SPATS2: variants seen among roughly 807,000 people sequenced by gnomAD.
SPATS2 encodes the protein spermatogenesis-associated serine-rich protein 2.
Under a neutral mutation model 63.7 loss-of-function variants are expected in SPATS2, and 38 were observed. The ratio of observed to expected loss-of-function variants is 0.60; its 90% CI spans 0.46 to 0.78. The LOEUF (loss-of-function observed/expected upper bound fraction) is 0.78. SPATS2 is among the 30% of genes least tolerant of loss of function. The probability of loss-of-function intolerance (pLI) is 0.00; values close to 1 mark genes in which losing one functional copy is unlikely to be tolerated. For missense variants in SPATS2, 588 were observed against 666.2 expected, an observed-to-expected ratio of 0.88 and a Z score of 1.29; for synonymous variants, 207 against 232.9, an observed-to-expected ratio of 0.89 and a Z score of 1.01.
chr12:49,488,228 A>G (rs1034196858), intron 4 of SPATS2, among the ~76,000 whole-genome samples: 4 of 151,930 alleles, frequency 2.6e-5, no homozygotes, highest in Non-Finnish European at 4.4e-5. Flanking sequence ...TATTTTCAGT[A>G]GAGACGGCGT....
intron 2 of SPATS2, among the ~76,000 whole-genome samples, chr12:49,378,534 T>A (rs1277375672): frequency 2.0e-5 from 3 of 152,052 alleles, no homozygotes; most frequent in African/African-American, 7.2e-5. Flanking sequence ...CCTGACCTCA[T>A]GATCTGCCCG....
intron 6 of SPATS2, among the ~76,000 whole-genome samples, chr12:49,491,464 C>T (rs1038846833): frequency 1.3e-5 from 2 of 152,202 alleles, no homozygotes; most frequent in South Asian, 4.2e-4. Context: ...CCTGTAATCC[C>T]AGCACTTTGG....
intron 3 of SPATS2, among the ~76,000 whole-genome samples, chr12:49,474,021 T>C (rs1268458985): frequency 1.3e-5 from 2 of 152,188 alleles, no homozygotes; most frequent in Admixed American, 1.3e-4. Flanking sequence ...ACTAGCAGTG[T>C]TTTACTTATT....
Position 49,484,629 on chromosome 12 carries a change from T to C in SPATS2, c.65T>C (p.Val22Ala). 1 of 1,614,092 alleles carries C rather than the reference T, an allele frequency of 6.2e-7. No individual in the cohort carries two copies. The highest frequency in any genetic ancestry group is 1.6e-4 in the Middle Eastern group (1 of 6,062). Reference sequence around the variant, plus strand: ...ATTTTTGATTTGCAGTCCAATACCGTACTGGCCCAGGGAGGAGCTTTTGAG... The same window carrying C: ...ATTTTTGATTTGCAGTCCAATACCGCACTGGCCCAGGGAGGAGCTTTTGAG... ...GFIFDLQSNT[V>A]LAQGGAFENM... The change falls in exon 4 of 14, where the codon GTA becomes GCA. Residue 22 changes from valine (V) to alanine (A), a missense_variant. By Grantham distance (64) the Val-to-Ala change is moderately conservative. Transcript: ENST00000552918.
chr12:49,418,074 G>T (rs1303509409), intron 2 of SPATS2, among the ~76,000 whole-genome samples: 1 of 143,420 alleles, frequency 7.0e-6, no homozygotes, highest in Non-Finnish European at 1.5e-5. Flanking sequence ...TAGAGGTGGG[G>T]TTTCACTGTG....
intron 2 of SPATS2, among the ~76,000 whole-genome samples, chr12:49,430,709 T>G (rs981056413): frequency 3.3e-5 from 5 of 152,166 alleles, no homozygotes; most frequent in African/African-American, 1.2e-4. Flanking sequence ...TTATTTATTT[T>G]TACTTTTTTG....
intron 2 of SPATS2, among the ~76,000 whole-genome samples, chr12:49,453,175 A>G (rs1359563272): frequency 6.6e-6 from 1 of 151,874 alleles, no homozygotes; most frequent in Non-Finnish European, 1.5e-5. Flanking sequence ...AAAAAAAAAA[A>G]AAGAAATTTG....
chr12:49,424,190 G>A (rs1352473002), intron 2 of SPATS2, among the ~76,000 whole-genome samples: 4 of 151,916 alleles, frequency 2.6e-5, no homozygotes, highest in African/African-American at 7.3e-5. Context: ...GCAACAGAAC[G>A]GGACTCTGTC....
chr12:49,424,140 T>C (rs1400608594), intron 2 of SPATS2, among the ~76,000 whole-genome samples: 1 of 151,850 alleles, frequency 6.6e-6, no homozygotes, highest in Non-Finnish European at 1.5e-5. Flanking sequence ...GAGGTGGAGG[T>C]TGCAGTGAGC....
rs371353034 is a variant in SPATS2 at position 49,488,157 on chromosome 12, A to G, written c.106-1308A>G. On this transcript the variant is annotated intron_variant, in intron 4 of 13. Coordinates refer to ENST00000552918, the MANE Select transcript of SPATS2 (RefSeq NM_023071.4). Reference sequence around the variant, plus strand: ...CCTCCCGGGTTCAAGTGATTCTCCTACCTCAGCCTCCTGAGTATCTGGGAT... The same window carrying G: ...CCTCCCGGGTTCAAGTGATTCTCCTGCCTCAGCCTCCTGAGTATCTGGGAT... Among the ~76,000 whole-genome samples, 73 of 151,124 alleles carry G rather than the reference A, an allele frequency of 4.8e-4. No individual in the cohort carries two copies. In the South Asian group the frequency reaches 0.012, roughly 25 times the overall value.
At chr12:49,367,681 G>T (rs1432881540) in intron 1 of SPATS2, 94 bp downstream of exon 1, 2 of 198,338 alleles carry the variant, frequency 1.0e-5, no homozygotes, top group African/African-American at 2.6e-5. Flanking sequence ...GAGGGAGGGG[G>T]TAGTTGGGGG....
intron 2 of SPATS2, among the ~76,000 whole-genome samples, chr12:49,460,327 G>C (rs962434260): frequency 6.6e-6 from 1 of 151,984 alleles, no homozygotes; most frequent in Non-Finnish European, 1.5e-5. Context: ...GGTGGTGCAC[G>C]CCTGTAGTCC....
chr12:49,434,861 C>T (rs559535635), intron 2 of SPATS2, among the ~76,000 whole-genome samples: 19 of 152,020 alleles, frequency 1.2e-4, no homozygotes, highest in African/African-American at 4.6e-4. Context: ...ATATAAAAAC[C>T]CAGATTTAAT....
chr12:49,454,895 A>C (rs1371846965), intron 2 of SPATS2, among the ~76,000 whole-genome samples: 2 of 151,574 alleles, frequency 1.3e-5, no homozygotes, highest in African/African-American at 4.9e-5. Flanking sequence ...AAAAAAAAAA[A>C]AAACAGTCCA....
intron 3 of SPATS2, among the ~76,000 whole-genome samples, chr12:49,472,941 TC>T (rs776675222): frequency 6.6e-6 from 1 of 150,564 alleles, no homozygotes; most frequent in African/African-American, 2.4e-5. Flanking sequence ...TCTCAGCTAC[TC>T]AGGAGGCTTA....
intron 9 of SPATS2, among the ~76,000 whole-genome samples, chr12:49,506,707 C>T (rs752217808): frequency 3.4e-4 from 52 of 152,108 alleles, no homozygotes; most frequent in Non-Finnish European, 5.4e-4. Context: ...ATTAACTGGG[C>T]GCAATGACAC....
rs1427846488 is a variant in SPATS2 at position 49,526,661 on chromosome 12, G to A, written c.*406G>A. 1 of 184,358 alleles carries A rather than the reference G, an allele frequency of 5.4e-6. No homozygotes were observed. Among genetic ancestry groups the A allele is most frequent in the Non-Finnish European group, 1.1e-5 (1 of 88,272 alleles). The allele number at this position is 184,358 out of a possible 1,614,324, so 11.4% of individuals were successfully genotyped here. A position where few individuals can be genotyped will look rare whatever the true frequency, so the allele number is the denominator to read the frequency against. ...TCCCTTCTAACAACTATTTGACCAA[G>A]AGAGGCAATCAGGGGGTTGTATACT... On this transcript the variant is annotated 3_prime_UTR_variant, in exon 14 of 14. Coordinates refer to ENST00000552918, the MANE Select transcript of SPATS2 (RefSeq NM_023071.4).
chr12:49,524,913 A>G lies in SPATS2; in HGVS notation c.1326+17A>G, dbSNP rs1947007501. 6.2e-7 allele frequency: 1 copy of G among 1,610,972 alleles called. No homozygotes were observed. The highest frequency in any genetic ancestry group is 8.5e-7 in the Non-Finnish European group (1 of 1,178,584). On this transcript the variant is annotated intron_variant, in intron 13 of 13. Coordinates refer to ENST00000552918, the MANE Select transcript of SPATS2 (RefSeq NM_023071.4). ...CTTCGGGAGGTAACCTAGCTTCTAC[A>G]CTGAGCATGTTAGGAAGAAAACCCT...
intron 9 of SPATS2, among the ~76,000 whole-genome samples, chr12:49,506,249 C>T (rs113540273): frequency 0.014 from 2,074 of 152,208 alleles, 41 homozygotes; most frequent in African/African-American, 0.045. Context: ...CCCAGCACTT[C>T]GGGAGGCTGT....
Sources: allele counts gnomAD v4.1 joint callset (sites outside exome capture counted in the v4.1 genomes callset), GRCh38; gene constraint gnomAD v4.1.1; transcripts MANE v1.5; gene names NCBI Gene and HGNC (gene_info 2026-07-23, HGNC 2026-07-21).